Variants in CDH20 observed in about 807,000 individuals in gnomAD.
CDH20 encodes cadherin-20.
CDH20 carries 29 observed loss-of-function variants against 74.2 expected under a neutral mutation model. The ratio of observed to expected loss-of-function variants is 0.39; its 90% CI spans 0.29 to 0.53. The LOEUF (loss-of-function observed/expected upper bound fraction) is 0.53. CDH20 is among the 20% of genes least tolerant of loss of function. The pLI is 0.69. For missense variants in CDH20, 988 were observed against 1,048.3 expected (o/e 0.94, Z 0.79); for synonymous variants, 469 against 405.4 (o/e 1.16, Z -1.88).
chr18:61,543,765 C>A (rs1468905294), intron 9 of CDH20, among the ~76,000 whole-genome samples: 1 of 152,170 alleles, frequency 6.6e-6, no homozygotes, highest in Non-Finnish European at 1.5e-5. Flanking sequence ...TTTCTGTTAA[C>A]CTGACATGGC....
At position 61,461,235 on chromosome 18, in the gene CDH20, G is replaced by A. The variant is rs1040612799; in HGVS notation, c.-152-29167G>A. Among the ~76,000 whole-genome samples the A allele has an allele frequency of 4.6e-5, 7 of 150,918 alleles. No individual in the cohort carries two copies. The South Asian group carries it at 6.3e-4, about 14-fold the overall frequency. ...AAAACTACAGAACTCATTCAAAATC[G>A]GATCAAAATGATTACTAACTATAGA... is the stretch of plus-strand genomic sequence containing the variant. On this transcript the variant is annotated intron_variant, in intron 1 of 11. Transcript: ENST00000262717.
chr18:61,441,698 T>C (rs2055057585), intron 1 of CDH20, among the ~76,000 whole-genome samples: 1 of 152,200 alleles, frequency 6.6e-6, no homozygotes, highest in Admixed American at 6.5e-5. Context: ...TTATTGTGGG[T>C]CCCTTTCAAC....
At chr18:61,450,069 G>A (rs888952911) in intron 1 of CDH20, among the ~76,000 whole-genome samples, 1 of 152,040 alleles carries the variant, frequency 6.6e-6, no homozygotes, top group African/African-American at 2.4e-5. Context: ...AGTAGCAGCA[G>A]CAGCAGCAGC....
rs1440852398 is a variant in CDH20, at chr18:61,551,589, A to T, written c.1900+1360A>T. On this transcript the variant is annotated intron_variant, in intron 11 of 11. Transcript: ENST00000262717. Reference sequence around the variant, plus strand: ...CGTAAAGAGAGGAAGAGTATAAATAAGTAACCTTTCTAAGTTCTTGGATCC... The same window carrying T: ...CGTAAAGAGAGGAAGAGTATAAATATGTAACCTTTCTAAGTTCTTGGATCC... Among the ~76,000 whole-genome samples, 3 of 152,228 alleles carry T rather than the reference A, an allele frequency of 2.0e-5. 1 individual carries two copies. Among genetic ancestry groups the T allele is most frequent in the East Asian group, 3.9e-4 (2 of 5,192 alleles).
intron 7 of CDH20, among the ~76,000 whole-genome samples, chr18:61,532,312 A>C (rs1426179512): frequency 6.6e-6 from 1 of 152,186 alleles, no homozygotes; most frequent in Non-Finnish European, 1.5e-5. Context: ...TCACAGGCAG[A>C]GAGAAACATT....
chr18:61,348,616 T>A (rs960275583), intron 1 of CDH20, among the ~76,000 whole-genome samples: 3 of 152,130 alleles, frequency 2.0e-5, no homozygotes, highest in Admixed American at 1.3e-4. Context: ...AGGTTCTAAG[T>A]CCACATTCCT....
intron 1 of CDH20, among the ~76,000 whole-genome samples, chr18:61,371,495 C>A (rs1911037337): frequency 6.6e-6 from 1 of 151,930 alleles, no homozygotes; most frequent in Non-Finnish European, 1.5e-5. Context: ...ATTTTGGAAT[C>A]CATCTATATG....
intron 8 of CDH20, among the ~76,000 whole-genome samples, chr18:61,538,584 G>GTTTTTTTTTTTTTTTT (rs1568182044): frequency 9.0e-5 from 5 of 55,846 alleles, no homozygotes; most frequent in Non-Finnish European, 1.7e-4. Context: ...ACTACTTTTT[G>GTTTTTTTTTTTTTTTT]TTTGTTTGTT....
At chr18:61,361,616 C>G (rs1017888516) in intron 1 of CDH20, among the ~76,000 whole-genome samples, 2 of 152,128 alleles carry the variant, frequency 1.3e-5, no homozygotes, top group African/African-American at 4.8e-5. Context: ...CACCTAAGTG[C>G]CAACCAGTGC....
intron 2 of CDH20, among the ~76,000 whole-genome samples, chr18:61,496,021 T>C: frequency 6.5e-5 from 6 of 91,658 alleles, no homozygotes; most frequent in Middle Eastern, 5.3e-3. Context: ...CCTCCACCCT[T>C]CCTCTCCCAC....
At chr18:61,535,376 T>C (rs1431266716) in intron 7 of CDH20, among the ~76,000 whole-genome samples, 1 of 152,058 alleles carries the variant, frequency 6.6e-6, no homozygotes, top group Non-Finnish European at 1.5e-5. Context: ...TACCAAGGAC[T>C]ACATAAGGTT....
chr18:61,357,673 A>G (rs1910537381), intron 1 of CDH20, among the ~76,000 whole-genome samples: 1 of 152,148 alleles, frequency 6.6e-6, no homozygotes, highest in Non-Finnish European at 1.5e-5. Context: ...AGAATAACCA[A>G]TAGTCTTCAT....
intron 1 of CDH20, among the ~76,000 whole-genome samples, chr18:61,425,100 G>C (rs886242342): frequency 7.2e-6 from 1 of 139,618 alleles, no homozygotes; most frequent in Non-Finnish European, 1.5e-5. Context: ...TCTAGGTATA[G>C]GTCTATCTCA....
intron 1 of CDH20, among the ~76,000 whole-genome samples, chr18:61,394,010 G>A (rs1911879907): frequency 6.6e-6 from 1 of 152,044 alleles, no homozygotes; most frequent in Non-Finnish European, 1.5e-5. Flanking sequence ...ATAATCTGAT[G>A]GCGTCTCACT....
intron 1 of CDH20, chr18:61,404,797 CTTTT>C (rs71178967): frequency 9.8e-4 from 218 of 223,494 alleles, no homozygotes; most frequent in South Asian, 1.9e-3. Context: ...AAATTGTCAA[CTTTT>C]TTTTTTTTTT....
chr18:61,555,114 T>TTC lies in CDH20; in HGVS notation c.*422_*423dup, dbSNP rs1037324524. On this transcript the variant is annotated 3_prime_UTR_variant, in exon 12 of 12. Coordinates refer to ENST00000262717, the MANE Select transcript of CDH20 (RefSeq NM_031891.4). ...CGTATCTGTTTTTTATCTTATCTTA[T>TTC]TCTCCATTTAAGAGTTTTGCTGGCT... 3.1e-5 allele frequency: 31 copies of TTC among 1,005,376 alleles called. No homozygotes were observed. In the African/African-American group the frequency reaches 4.8e-4, roughly 16 times the overall value. 62.3% of individuals were successfully genotyped at this position (1,005,376 alleles called of 1,614,324 possible).
At chr18:61,369,670 T>C (rs1910966789) in intron 1 of CDH20, among the ~76,000 whole-genome samples, 1 of 152,116 alleles carries the variant, frequency 6.6e-6, no homozygotes, top group Admixed American at 6.6e-5. Context: ...AACCTAAATG[T>C]TCATCAGTCA....
At chr18:61,449,967 A>G (rs1352782350) in intron 1 of CDH20, among the ~76,000 whole-genome samples, 4 of 152,052 alleles carry the variant, frequency 2.6e-5, no homozygotes, top group Non-Finnish European at 5.9e-5. Flanking sequence ...TATTACTTTC[A>G]GTGTAGATGC....
intron 1 of CDH20, among the ~76,000 whole-genome samples, chr18:61,455,399 T>A (rs1395204209): frequency 6.6e-5 from 10 of 152,216 alleles, no homozygotes; most frequent in Admixed American, 6.5e-4. Flanking sequence ...GACAAAAGAT[T>A]CCGGAGCCAT....
Sources: allele counts gnomAD v4.1 joint callset (sites outside exome capture counted in the v4.1 genomes callset), GRCh38; gene constraint gnomAD v4.1.1; transcripts MANE v1.5; gene names NCBI Gene and HGNC (gene_info 2026-07-23, HGNC 2026-07-21).